Variants in HIVEP3 observed in about 807,000 individuals in gnomAD.
HIVEP3 encodes transcription factor HIVEP3.
In HIVEP3, 49 loss-of-function variants were observed where a neutral mutation model predicts 152.8. The observed-to-expected ratio is 0.32, with a 90% CI of 0.26 to 0.41. The LOEUF (loss-of-function observed/expected upper bound fraction) is 0.41, where lower values mean the gene tolerates loss of function less well. Ranked by LOEUF, HIVEP3 falls within the 10% of genes least tolerant of loss-of-function variation. HIVEP3 has a pLI of 1.00. For missense variants in HIVEP3, 2,790 were observed against 3,103.3 expected (o/e 0.90, Z 2.40); for synonymous variants, 1,269 against 1,289.0 (o/e 0.98, Z 0.33).
In HIVEP3 at chr1:41,628,898, G is replaced by A. The variant is rs1046940664; in HGVS notation, c.-671C>T. On this transcript the variant is annotated 5_prime_UTR_variant, in exon 3 of 9. Transcript: ENST00000372583. Reference sequence around the variant, plus strand: ...CGGGCTTGCTTGGCCAGGACCCCGCGAGGCTCCTCCATGAACTAGGTTGAG... The same window carrying A: ...CGGGCTTGCTTGGCCAGGACCCCGCAAGGCTCCTCCATGAACTAGGTTGAG... The A allele has an allele frequency of 4.9e-5, 60 of 1,231,666 alleles. No homozygotes were observed. The highest frequency in any genetic ancestry group is 5.9e-5 in the Non-Finnish European group (58 of 987,870). The allele number at this position is 1,231,666 out of a possible 1,614,324, so 76.3% of individuals were successfully genotyped here. A position where few individuals can be genotyped will look rare whatever the true frequency, so the allele number is the denominator to read the frequency against.
chr1:42,002,866 G>A (rs2124524636), intron 1 of HIVEP3, among the ~76,000 whole-genome samples: 1 of 152,114 alleles, frequency 6.6e-6, no homozygotes, highest in East Asian at 1.9e-4. Context: ...GAAAGGTCCT[G>A]AGAATAAAGG....
At chr1:41,908,056 A>AAAAACAAAAC (rs892463203) in intron 1 of HIVEP3, among the ~76,000 whole-genome samples, 1 of 152,190 alleles carries the variant, frequency 6.6e-6, no homozygotes, top group Non-Finnish European at 1.5e-5. Context: ...AGAAATAAGC[A>AAAAACAAAAC]AAAACAAAAC....
At chr1:42,017,663 T>C (rs1249541530) in intron 1 of HIVEP3, among the ~76,000 whole-genome samples, 1 of 152,204 alleles carries the variant, frequency 6.6e-6, no homozygotes, top group Non-Finnish European at 1.5e-5. Context: ...TATTCTACTG[T>C]CTTTGGATAT....
At chr1:41,952,918 C>T (rs972329311) in intron 1 of HIVEP3, among the ~76,000 whole-genome samples, 2 of 152,134 alleles carry the variant, frequency 1.3e-5, no homozygotes, top group African/African-American at 4.8e-5. Flanking sequence ...CATTCCACTG[C>T]CTATAGGACA....
intron 1 of HIVEP3, among the ~76,000 whole-genome samples, chr1:41,870,535 G>A (rs783430): frequency 6.6e-6 from 1 of 152,062 alleles, no homozygotes; most frequent in Non-Finnish European, 1.5e-5. Context: ...CCGGGTGAAC[G>A]TACAAATGAA....
chr1:41,563,346 A>G (rs1459569566), intron 5 of HIVEP3, among the ~76,000 whole-genome samples: 1 of 148,806 alleles, frequency 6.7e-6, no homozygotes, highest in African/African-American at 2.5e-5. Flanking sequence ...CTCCATCTCA[A>G]AAAAAATAAA....
chr1:41,553,311 G>C (rs1360326289), intron 5 of HIVEP3, among the ~76,000 whole-genome samples: 1 of 152,050 alleles, frequency 6.6e-6, no homozygotes, highest in Non-Finnish European at 1.5e-5. Flanking sequence ...TCAGAGACTA[G>C]GATTGCAACC....
chr1:41,583,535 C>T lies in HIVEP3; in HGVS notation c.1263G>A (p.Lys421=). The change falls in exon 4 of 9, where the codon AAG becomes AAA. Residue 421 remains lysine, a synonymous_variant. Coordinates refer to ENST00000372583, the MANE Select transcript of HIVEP3 (RefSeq NM_024503.5). The surrounding 1 kb of genome is among the most constrained non-coding windows in gnomAD (Gnocchi z 6.9). ...CGGTCCGCTGTCCTATTCGCCCACA[C>T]TTGCCAAAGATGATCTCAGCGTAGG... ...AKSYAEIIFG[K]CGRIGQRTAM... 1 of 1,614,132 alleles carries T rather than the reference C, an allele frequency of 6.2e-7. No homozygotes were observed. The highest frequency in any genetic ancestry group is 8.5e-7 in the Non-Finnish European group (1 of 1,180,016).
At chr1:41,715,161 T>C (rs1646572440) in intron 1 of HIVEP3, among the ~76,000 whole-genome samples, 5 of 152,170 alleles carry the variant, frequency 3.3e-5, no homozygotes, top group Admixed American at 3.3e-4. Context: ...CTCAAACAGA[T>C]GGCCCCCAAA....
chr1:41,618,268 A>T (rs1471545860), intron 3 of HIVEP3, among the ~76,000 whole-genome samples: 1 of 152,256 alleles, frequency 6.6e-6, no homozygotes, highest in Non-Finnish European at 1.5e-5. Context: ...TGCGCTCAGC[A>T]GACTCTGCGG....
At chr1:41,726,989 A>T (rs1646761649) in intron 1 of HIVEP3, among the ~76,000 whole-genome samples, 1 of 151,982 alleles carries the variant, frequency 6.6e-6, no homozygotes, top group Non-Finnish European at 1.5e-5. Context: ...TCTCAGAACC[A>T]CCTTTCTACA....
chr1:41,581,302 G>T lies in HIVEP3; in HGVS notation c.3496C>A (p.Gln1166Lys). Residue 1166 changes from glutamine (Q) to lysine (K), a missense_variant, in exon 4 of 9, where the codon CAG becomes AAG. This residue lies in a region of HIVEP3 where 1,078 missense variants were observed against 1,165.3 expected (regional missense o/e 0.93). Coordinates refer to ENST00000372583, the MANE Select transcript of HIVEP3 (RefSeq NM_024503.5). The surrounding 1 kb of genome is among the most constrained non-coding windows in gnomAD (Gnocchi z 4.5). ...GAGGACAGGAGGCTGGACATGGCCT[G>T]GGTGGAGAAGAATTCTGGAGACTGT... Reference protein sequence around the residue: ...PGQSPEFFSTQAMSSLLSSPY... With the variant: ...PGQSPEFFSTKAMSSLLSSPY... 1.2e-6 allele frequency: 2 copies of T among 1,612,928 alleles called. No individual in the cohort carries two copies. The highest frequency in any genetic ancestry group is 1.7e-6 in the Non-Finnish European group (2 of 1,179,500).
chr1:41,590,102 T>A (rs936020491), intron 3 of HIVEP3, among the ~76,000 whole-genome samples: 2 of 152,090 alleles, frequency 1.3e-5, no homozygotes, highest in Non-Finnish European at 2.9e-5. Flanking sequence ...ATTCTTCACT[T>A]GCAAAAAAAT....
chr1:41,681,017 G>T (rs1361742040), intron 2 of HIVEP3, among the ~76,000 whole-genome samples: 1 of 152,048 alleles, frequency 6.6e-6, no homozygotes, highest in Non-Finnish European at 1.5e-5. Context: ...TTCCCAATTT[G>T]CAGATGAGAA....
At chr1:41,787,159 G>A (rs1298351283) in intron 1 of HIVEP3, among the ~76,000 whole-genome samples, 4 of 151,978 alleles carry the variant, frequency 2.6e-5, no homozygotes, top group Non-Finnish European at 5.9e-5. Flanking sequence ...TCATTTTATT[G>A]AGTAATAACC....
intron 1 of HIVEP3, among the ~76,000 whole-genome samples, chr1:41,772,715 G>A (rs1456272066): frequency 6.6e-6 from 1 of 152,168 alleles, no homozygotes; most frequent in African/African-American, 2.4e-5. Context: ...TTCAAGACCA[G>A]CCTGGCCAAC....
intron 3 of HIVEP3, among the ~76,000 whole-genome samples, chr1:41,610,836 T>G (rs1452779088): frequency 1.3e-5 from 2 of 152,224 alleles, no homozygotes; most frequent in Admixed American, 6.5e-5. Flanking sequence ...ACTCAGGGAA[T>G]GTACTGTTTG....
intron 1 of HIVEP3, among the ~76,000 whole-genome samples, chr1:41,947,510 T>C (rs1349366666): frequency 6.6e-6 from 1 of 152,224 alleles, no homozygotes; most frequent in East Asian, 1.9e-4. Flanking sequence ...TTCCCAGGTA[T>C]GGCAAAATAG....
intron 1 of HIVEP3, among the ~76,000 whole-genome samples, chr1:41,935,890 ACAG>A (rs928744047): frequency 2.6e-5 from 4 of 151,938 alleles, no homozygotes; most frequent in Non-Finnish European, 5.9e-5. Flanking sequence ...GAGCATAGCA[ACAG>A]CACAGCAATG....
Sources: gnomAD v4.1 joint callset for allele counts (sites outside exome capture counted in the v4.1 genomes callset) on GRCh38, gnomAD v4.1.1 for gene constraint, gnomAD v4.1.1 regional missense constraint, Gnocchi (gnomAD v3.1) non-coding constraint, MANE v1.5 for transcripts, NCBI Gene and HGNC (gene_info 2026-07-23, HGNC 2026-07-21) for gene names.